DNAJA2: variants seen among roughly 807,000 people sequenced by gnomAD.
DNAJA2 encodes dnaJ homolog subfamily A member 2.
Under a neutral mutation model 49.3 loss-of-function variants are expected in DNAJA2, and 6 were observed. That is an observed-to-expected ratio of 0.12 (90% confidence interval 0.07 to 0.24). The LOEUF (loss-of-function observed/expected upper bound fraction) is 0.24, where lower values mean the gene tolerates loss of function less well. Among genes scored for constraint, DNAJA2 ranks in the 10% least tolerant of loss-of-function variants. The pLI is 1.00. For synonymous variants in DNAJA2, 160 were observed against 172.7 expected (o/e 0.93, Z 0.58); for missense variants, 347 against 516.8 (o/e 0.67, Z 3.19).
At chr16:46,957,843 T>C (rs565406678) in intron 8 of DNAJA2, among the ~76,000 whole-genome samples, 5 of 152,146 alleles carry the variant, frequency 3.3e-5, no homozygotes, top group Non-Finnish European at 7.3e-5. Flanking sequence ...GTAGTGGTCC[T>C]GCCCTCTGCA....
At chr16:46,973,445 G>C in intron 1 of DNAJA2, 50 bp downstream of exon 1, 1 of 1,531,060 alleles carries the variant, frequency 6.5e-7, no homozygotes, top group South Asian at 1.2e-5. Context: ...GACATCCCTG[G>C]CCGCGCAGGC....
At chr16:46,963,224 C>T (rs1176924159) in intron 6 of DNAJA2, among the ~76,000 whole-genome samples, 2 of 152,146 alleles carry the variant, frequency 1.3e-5, no homozygotes, top group African/African-American at 4.8e-5. Context: ...AAGTACAAAG[C>T]TAGAGTCCTA....
intron 3 of DNAJA2, 73 bp downstream of exon 3, chr16:46,971,276 T>C: frequency 1.5e-6 from 2 of 1,336,548 alleles, no homozygotes; most frequent in Non-Finnish European, 2.1e-6. Flanking sequence ...TATGAGATTT[T>C]TCATCTACTG....
At chr16:46,957,319 G>A in intron 8 of DNAJA2, 99 bp from the exon 9 acceptor site, 1 of 1,149,966 alleles carries the variant, frequency 8.7e-7, no homozygotes, top group Non-Finnish European at 1.2e-6. Flanking sequence ...TTTAAAAAGG[G>A]GCTGGGTGTG....
At chr16:46,968,840 GTT>G (rs1962009339) in intron 3 of DNAJA2, among the ~76,000 whole-genome samples, 1 of 152,174 alleles carries the variant, frequency 6.6e-6, no homozygotes, top group African/African-American at 2.4e-5. Context: ...TGAGCCCAGA[GTT>G]CAAGACCAGC....
chr16:46,969,041 G>C (rs1159992726), intron 3 of DNAJA2, among the ~76,000 whole-genome samples: 1 of 152,072 alleles, frequency 6.6e-6, no homozygotes, highest in Admixed American at 6.6e-5. Context: ...AGTGAGACAA[G>C]TACTTATGTG....
rs1418514765 is a variant in DNAJA2 at position 46,956,718 on chromosome 16, T to G, written c.*311A>C. On this transcript the variant is annotated 3_prime_UTR_variant, in exon 9 of 9. Coordinates refer to ENST00000317089, the MANE Select transcript of DNAJA2 (RefSeq NM_005880.4). ...AAATTTAAAATATGAAACATAAAAATCTACACAAAACTGATAAAAATCAAG... is the reference window on the plus strand; with the variant it reads ...AAATTTAAAATATGAAACATAAAAAGCTACACAAAACTGATAAAAATCAAG... 3.9e-5 allele frequency: 9 copies of G among 228,258 alleles called. No individual in the cohort carries two copies. The East Asian group carries it at 9.6e-4, about 24-fold the overall frequency. 14.1% of individuals were successfully genotyped at this position (228,258 alleles called of 1,614,324 possible).
At position 46,956,134 on chromosome 16, in the gene DNAJA2, G is replaced by A. The variant is rs944854252; in HGVS notation, c.*895C>T. 1 of 152,072 alleles carries A rather than the reference G, an allele frequency of 6.6e-6. No homozygotes were observed. Among genetic ancestry groups the A allele is most frequent in the Non-Finnish European group, 1.5e-5 (1 of 68,026 alleles). The allele number at this position is 152,072 out of a possible 1,614,324, so 9.4% of individuals were successfully genotyped here. A position where few individuals can be genotyped will look rare whatever the true frequency, so the allele number is the denominator to read the frequency against. ...TTATTTTTTTAAGGGGGTGGTGGTA[G>A]GGAGATACAGAAGTCAGGCTAGCCC... On this transcript the variant is annotated 3_prime_UTR_variant, in exon 9 of 9. Coordinates refer to ENST00000317089, the MANE Select transcript of DNAJA2 (RefSeq NM_005880.4).
intron 6 of DNAJA2, among the ~76,000 whole-genome samples, chr16:46,960,413 T>C (rs1376622835): frequency 1.3e-5 from 2 of 152,218 alleles, no homozygotes; most frequent in African/African-American, 4.8e-5. Context: ...GTATGTTATG[T>C]ATGCACATAT....
intron 3 of DNAJA2, among the ~76,000 whole-genome samples, chr16:46,968,737 C>G (rs1050269979): frequency 2.6e-5 from 4 of 152,070 alleles, no homozygotes; most frequent in Non-Finnish European, 5.9e-5. Flanking sequence ...TATAGTATGA[C>G]AGAAAGGAGG....
intron 6 of DNAJA2, among the ~76,000 whole-genome samples, chr16:46,963,972 G>A (rs1340645142): frequency 6.6e-6 from 1 of 152,132 alleles, no homozygotes; most frequent in Non-Finnish European, 1.5e-5. Context: ...TCAATGACCA[G>A]GCCAGAGGAG....
intron 6 of DNAJA2, among the ~76,000 whole-genome samples, chr16:46,961,973 C>T (rs1961902496): frequency 6.6e-6 from 1 of 151,760 alleles, no homozygotes; most frequent in African/African-American, 2.4e-5. Flanking sequence ...AGTGACATGG[C>T]AGGATGATGA....
chr16:46,969,600 T>C (rs1249999037), intron 3 of DNAJA2, among the ~76,000 whole-genome samples: 1 of 152,236 alleles, frequency 6.6e-6, no homozygotes, highest in Non-Finnish European at 1.5e-5. Flanking sequence ...GGCAATTTAG[T>C]TGTATTTATC....
At chr16:46,970,857 G>A (rs535243530) in intron 3 of DNAJA2, among the ~76,000 whole-genome samples, 88 of 150,684 alleles carry the variant, frequency 5.8e-4, no homozygotes, top group Middle Eastern at 3.5e-3. Flanking sequence ...TGACCAACAT[G>A]GAGAAACCCC....
chr16:46,956,971 G>A lies in DNAJA2; in HGVS notation c.*58C>T. The A allele has an allele frequency of 6.3e-7, 1 of 1,593,524 alleles. No individual in the cohort carries two copies. Among genetic ancestry groups the A allele is most frequent in the South Asian group, 1.1e-5 (1 of 90,470 alleles). On this transcript the variant is annotated 3_prime_UTR_variant, in exon 9 of 9. Transcript: ENST00000317089. ...GATAAGACACTCCAGCTGGATTGCT[G>A]AGAACAAATCAGGCAAATGTGGAAA... is the stretch of plus-strand genomic sequence containing the variant.
Position 46,959,259 on chromosome 16 carries a change from C to T in DNAJA2, c.919+16G>A. The T allele has an allele frequency of 6.3e-7, 1 of 1,596,258 alleles. No homozygotes were observed. Among genetic ancestry groups the T allele is most frequent in the South Asian group, 1.1e-5 (1 of 88,242 alleles). Reference sequence around the variant, plus strand: ...AAAATACTTGAAAACCAGAATCGGACAAAATCAAGATTTACCTGGTTCAAT... The same window carrying T: ...AAAATACTTGAAAACCAGAATCGGATAAAATCAAGATTTACCTGGTTCAAT... On this transcript the variant is annotated intron_variant, in intron 7 of 8. Transcript: ENST00000317089.
At position 46,964,646 on chromosome 16, in the gene DNAJA2, C is replaced by T. The variant is rs758054922; in HGVS notation, c.739G>A (p.Asp247Asn). 1.9e-6 allele frequency: 3 copies of T among 1,612,350 alleles called. No individual in the cohort carries two copies. The highest frequency in any genetic ancestry group is 1.1e-5 in the South Asian group (1 of 90,608). The change falls in exon 6 of 9, where the codon GAC becomes AAC. Residue 247 changes from aspartate (D) to asparagine (N), a missense_variant. Transcript: ENST00000317089. ...TTCTCCTGTAGCAAAAGAACAATGTCTCCGGGTTCCACTCCTGGGGCCTGG... is the reference window on the plus strand; with the variant it reads ...TTCTCCTGTAGCAAAAGAACAATGTTTCCGGGTTCCACTCCTGGGGCCTGG... ...ADQAPGVEPG[D>N]IVLLLQEKEH...
At chr16:46,967,701 G>A (rs529471972) in intron 4 of DNAJA2, 55 bp from the exon 5 acceptor site, 8 of 1,605,436 alleles carry the variant, frequency 5.0e-6, no homozygotes, top group Middle Eastern at 1.7e-4. Flanking sequence ...ACTCCAATAA[G>A]CTATGACACA....
chr16:46,960,936 G>C (rs1031141128), intron 6 of DNAJA2, among the ~76,000 whole-genome samples: 1 of 152,164 alleles, frequency 6.6e-6, no homozygotes, highest in African/African-American at 2.4e-5. Context: ...GGAGCCTGCA[G>C]GGGCAGTCCC....
Sources: allele counts gnomAD v4.1 joint callset (sites outside exome capture counted in the v4.1 genomes callset), GRCh38; gene constraint gnomAD v4.1.1; transcripts MANE v1.5; gene names NCBI Gene and HGNC (gene_info 2026-07-23, HGNC 2026-07-21).